DOC2A: variants seen among roughly 807,000 people sequenced by gnomAD.
DOC2A encodes double C2-like domain-containing protein alpha.
DOC2A carries 28 observed loss-of-function variants against 40.6 expected under a neutral mutation model. The observed-to-expected ratio is 0.69, with a 90% CI of 0.51 to 0.95. DOC2A has a LOEUF of 0.95. Among genes scored for constraint, DOC2A ranks in the 40% least tolerant of loss-of-function variants. The pLI, the probability that DOC2A is intolerant of heterozygous loss-of-function variation, is 0.00. For synonymous variants in DOC2A, 241 were observed against 236.9 expected (o/e 1.02, Z -0.16); for missense variants, 474 against 552.5 (o/e 0.86, Z 1.42).
Position 30,009,581 on chromosome 16 carries a change from T to C in DOC2A, c.263-24A>G. The stretch of plus-strand genomic sequence containing the variant: ...GGCTGGAGAGAGAGGAAAGGCAGCA[T>C]GGGTCGGTATGGAGACAGGTGTGTG... On this transcript the variant is annotated intron_variant, in intron 2 of 10. Transcript: ENST00000350119. This position sits in a 1 kb window ranked among gnomAD's most constrained non-coding sequence, Gnocchi z 4.1. The C allele has an allele frequency of 6.5e-7, 1 of 1,545,222 alleles. No individual in the cohort carries two copies. Among genetic ancestry groups the C allele is most frequent in the Non-Finnish European group, 8.7e-7 (1 of 1,142,888 alleles).
chr16:30,006,798 GGTCCGA>G lies in DOC2A; in HGVS notation c.859_864del (p.Ser287_Asp288del). On this transcript the variant is annotated inframe_deletion, in exon 8 of 11. Coordinates refer to ENST00000350119, the MANE Select transcript of DOC2A (RefSeq NM_003586.3). The surrounding 1 kb of genome is among the most constrained non-coding windows in gnomAD (Gnocchi z 6.2). Reference sequence around the variant, plus strand: ...GCAAGGGCTCACGTCTTGACGTAGGGGTCCGAGTAACCGTTGACGTCCATGGCAGCC... The same window carrying G: ...GCAAGGGCTCACGTCTTGACGTAGGGGTAACCGTTGACGTCCATGGCAGCC... 6.2e-7 allele frequency: 1 copy of G among 1,613,758 alleles called. No individual in the cohort carries two copies.
upstream of DOC2A, among the ~76,000 whole-genome samples, chr16:30,011,938 T>C (rs866353433): frequency 1.1e-4 from 16 of 151,928 alleles, no homozygotes; most frequent in Non-Finnish European, 2.1e-4. Flanking sequence ...AGCCCTGCGG[T>C]AGTTCCCCAT....
chr16:30,011,356 T>C, upstream of DOC2A: 1 of 984,638 alleles, frequency 1.0e-6, no homozygotes. Context: ...ACACACGCAC[T>C]CGCAAACACG....
Position 30,006,303 on chromosome 16 carries a change from T to C in DOC2A, c.1086A>G (p.Arg362=). The C allele has an allele frequency of 6.2e-7, 1 of 1,611,336 alleles. No homozygotes were observed. Among genetic ancestry groups the C allele is most frequent in the Non-Finnish European group, 8.5e-7 (1 of 1,179,428 alleles). The change falls in exon 11 of 11, where the codon CGA becomes CGG. Residue 362 remains arginine (R), a synonymous_variant. Transcript: ENST00000350119. This position sits in a 1 kb window ranked among gnomAD's most constrained non-coding sequence, Gnocchi z 6.2. ...CACTCCAGTGCTTCCGAGCCTCGCC[T>C]CGGGCACCTGGCCCCAGGGACACGC... ...IGGVSLGPGA[R]GEARKHWSDC...
chr16:30,007,196 T>C lies in DOC2A; in HGVS notation c.631A>G (p.Ile211Val), dbSNP rs758051622. The change falls in exon 6 of 11, where the codon ATC becomes GTC. Residue 211 changes from isoleucine to valine, a missense_variant. Coordinates refer to ENST00000350119, the MANE Select transcript of DOC2A (RefSeq NM_003586.3). ...ACCGGGACCTGGCGCTCGAGGCAGA[T>C]GTTAAAATGCTTCTTCTGCGAAGGC... Reference protein sequence around the residue: ...LKPSQKKHFNICLERQVPLAS... With the variant: ...LKPSQKKHFNVCLERQVPLAS... The C allele has an allele frequency of 9.9e-6, 16 of 1,614,004 alleles. No homozygotes were observed. Among genetic ancestry groups the C allele is most frequent in the Non-Finnish European group, 1.2e-5 (14 of 1,180,026 alleles).
chr16:30,006,393 G>T lies in DOC2A; in HGVS notation c.1057+20C>A. The T allele has an allele frequency of 1.2e-6, 2 of 1,613,520 alleles. No homozygotes were observed. The highest frequency in any genetic ancestry group is 1.1e-5 in the South Asian group (1 of 91,064). ...TGCCACTTGCCCGCCCTCAACACCC[G>T]CAGCCAGCTCCTCCCTCACCAATGA... On this transcript the variant is annotated intron_variant, in intron 10 of 10. Coordinates refer to ENST00000350119, the MANE Select transcript of DOC2A (RefSeq NM_003586.3). This position sits in a 1 kb window ranked among gnomAD's most constrained non-coding sequence, Gnocchi z 6.2.
Position 30,006,327 on chromosome 16 carries a change from G to T in DOC2A, c.1062C>A (p.Gly354=). ...CTCGGGCACCTGGCCCCAGGGACAC[G>T]CCACCTGGGGAGCAGGTGGGCAGGG... ...DIGKSNDFIG[G]VSLGPGARGE... Residue 354 remains glycine (G), a synonymous_variant, in exon 11 of 11, where the codon GGC becomes GGA. Coordinates refer to ENST00000350119, the MANE Select transcript of DOC2A (RefSeq NM_003586.3). This position sits in a 1 kb window ranked among gnomAD's most constrained non-coding sequence, Gnocchi z 6.2. 1 of 1,611,754 alleles carries T rather than the reference G, an allele frequency of 6.2e-7. No individual in the cohort carries two copies. The highest frequency in any genetic ancestry group is 8.5e-7 in the Non-Finnish European group (1 of 1,179,660).
chr16:30,022,494 G>A (rs1020056371), upstream of DOC2A, among the ~76,000 whole-genome samples: 9 of 151,838 alleles, frequency 5.9e-5, no homozygotes, highest in Non-Finnish European at 1.0e-4. Context: ...AACATAGCAA[G>A]CCCTCATTTC....
In DOC2A at chr16:30,007,251, C is replaced by G. The variant is rs764137925; in HGVS notation, c.576G>C (p.Gly192=). The change falls in exon 6 of 11, where the codon GGG becomes GGC. Residue 192 remains glycine, a synonymous_variant. Coordinates refer to ENST00000350119, the MANE Select transcript of DOC2A (RefSeq NM_003586.3). ...EDKLSHNEFI[G]EIRVPLRRLK... ...GGCGGCGGAGGGGCACGCGGATCTC[C>G]CCAATAAACTCATTGTGACTCAGCT... 1 of 1,614,026 alleles carries G rather than the reference C, an allele frequency of 6.2e-7. No individual in the cohort carries two copies. The highest frequency in any genetic ancestry group is 8.5e-7 in the Non-Finnish European group (1 of 1,180,030).
intron 1 of DOC2A, among the ~76,000 whole-genome samples, chr16:30,019,253 G>A (rs985301158): frequency 6.6e-6 from 1 of 152,174 alleles, no homozygotes; most frequent in Non-Finnish European, 1.5e-5. Context: ...GGGAGGCAGA[G>A]GTTGCGGTGA....
In DOC2A at chr16:30,005,728, A is replaced by G; in HGVS notation, c.*458T>C. The G allele has an allele frequency of 2.0e-6, 1 of 507,928 alleles. No homozygotes were observed. The highest frequency in any genetic ancestry group is 3.5e-6 in the Non-Finnish European group (1 of 288,896). 31.5% of individuals were successfully genotyped at this position (507,928 alleles called of 1,614,324 possible). A position where few individuals can be genotyped will look rare whatever the true frequency, so the allele number is the denominator to read the frequency against. On this transcript the variant is annotated 3_prime_UTR_variant, in exon 11 of 11. Transcript: ENST00000350119. ...GACCCTGCAATGGCCACCTCTTTAA[A>G]AGGGCAGCTGTACAGGGCTAGGTTT...
upstream of DOC2A, among the ~76,000 whole-genome samples, chr16:30,013,931 G>A (rs750020160): frequency 5.9e-5 from 9 of 151,926 alleles, no homozygotes; most frequent in Non-Finnish European, 7.4e-5. Flanking sequence ...TAGCCCCGCT[G>A]GTCTTGAACT....
At chr16:30,018,806 A>G (rs2070882342) in intron 1 of DOC2A, 1 of 152,288 alleles carries the variant, frequency 6.6e-6, no homozygotes, top group Non-Finnish European at 1.5e-5. Context: ...GAGAATATAG[A>G]TAGCAAGACA....
In DOC2A at chr16:30,009,692, C is replaced by T. The variant is rs2070721256; in HGVS notation, c.263-135G>A. The T allele has an allele frequency of 2.2e-6, 2 of 930,002 alleles. No homozygotes were observed. Among genetic ancestry groups the T allele is most frequent in the Non-Finnish European group, 3.4e-6 (2 of 593,264 alleles). 57.6% of individuals were successfully genotyped at this position (930,002 alleles called of 1,614,324 possible). A position where few individuals can be genotyped will look rare whatever the true frequency, so the allele number is the denominator to read the frequency against. On this transcript the variant is annotated intron_variant, in intron 2 of 10. Transcript: ENST00000350119. The surrounding 1 kb of genome is among the most constrained non-coding windows in gnomAD (Gnocchi z 4.1). ...GTGAGTGCAAGAGGCTGAGTGGGCC[C>T]ATGCGTGTGTGCGTCTGGGTCCCTG...
In DOC2A at chr16:30,005,865, G is replaced by A. The variant is rs375613929; in HGVS notation, c.*321C>T. 12 of 488,358 alleles carry A rather than the reference G, an allele frequency of 2.5e-5. 1 individual carries two copies. In the South Asian group the frequency reaches 3.1e-4, roughly 12 times the overall value. The allele number at this position is 488,358 out of a possible 1,614,324, so 30.3% of individuals were successfully genotyped here. On this transcript the variant is annotated 3_prime_UTR_variant, in exon 11 of 11. Coordinates refer to ENST00000350119, the MANE Select transcript of DOC2A (RefSeq NM_003586.3). The stretch of plus-strand genomic sequence containing the variant: ...CCCTAATCCGACCTCCTCCCTGTTG[G>A]GGGAGAGGGACGGGGCAGCGTGGAG...
chr16:30,022,225 G>A (rs937329512), upstream of DOC2A, among the ~76,000 whole-genome samples: 6 of 133,834 alleles, frequency 4.5e-5, no homozygotes, highest in Non-Finnish European at 6.2e-5. Flanking sequence ...CCAGCCTGGC[G>A]GACAGAGTGA....
At chr16:30,019,457 G>A (rs1034064009) in intron 1 of DOC2A, among the ~76,000 whole-genome samples, 16 of 152,160 alleles carry the variant, frequency 1.1e-4, no homozygotes, top group Admixed American at 5.9e-4. Flanking sequence ...GTCAGGGACC[G>A]TGCCGTGGTG....
Position 30,010,032 on chromosome 16 carries a change from G to C in DOC2A, c.191C>G (p.Pro64Arg), listed in dbSNP as rs1294442991. 2 of 1,611,210 alleles carry C rather than the reference G, an allele frequency of 1.2e-6. No homozygotes were observed. The highest frequency in any genetic ancestry group is 3.3e-5 in the Admixed American group (2 of 59,996). The change falls in exon 2 of 11, where the codon CCT becomes CGT. Residue 64 changes from proline (P) to arginine (R), a missense_variant. Transcript: ENST00000350119. The surrounding 1 kb of genome is among the most constrained non-coding windows in gnomAD (Gnocchi z 4.2). ...AHLVPLALAP[P>R]AALLGATTPE... ...CGTGGTGGCCCCAAGGAGGGCTGCA[G>C]GGGGGGCCAGAGCCAGGGGGACCAG... is the stretch of plus-strand genomic sequence containing the variant.
rs1373899747 is a variant in DOC2A at position 30,007,276 on chromosome 16, T to TTG, written c.549_550dup (p.Lys184ThrfsTer3). The TTG allele has an allele frequency of 3.1e-6, 5 of 1,613,968 alleles. No homozygotes were observed. The highest frequency in any genetic ancestry group is 4.2e-6 in the Non-Finnish European group (5 of 1,180,028). On this transcript the variant is annotated frameshift_variant, in exon 6 of 11. Coordinates refer to ENST00000350119, the MANE Select transcript of DOC2A (RefSeq NM_003586.3). LOFTEE classifies it high-confidence loss of function. ...CCCAATAAACTCATTGTGACTCAGC[T>TTG]TGTCCTCATCACAGACGGCGATCCT...
Sources: allele counts gnomAD v4.1 joint callset (sites outside exome capture counted in the v4.1 genomes callset), GRCh38; gene constraint gnomAD v4.1.1; non-coding constraint Gnocchi (gnomAD v3.1); transcripts MANE v1.5; gene names NCBI Gene and HGNC (gene_info 2026-07-23, HGNC 2026-07-21).